ZBTB37: variants seen among roughly 807,000 people sequenced by gnomAD.
ZBTB37 encodes zinc finger and BTB domain-containing protein 37.
ZBTB37 carries 15 observed loss-of-function variants against 37.7 expected under a neutral mutation model. The ratio of observed to expected loss-of-function variants is 0.40; its 90% CI spans 0.27 to 0.61. ZBTB37 has a LOEUF of 0.61. Among genes scored for constraint, ZBTB37 ranks in the 20% least tolerant of loss-of-function variants. The pLI is 0.44. For missense variants in ZBTB37, 514 were observed against 641.9 expected, an observed-to-expected ratio of 0.80 and a Z score of 2.15; for synonymous variants, 231 against 220.6, an observed-to-expected ratio of 1.05 and a Z score of -0.42.
downstream of ZBTB37, chr1:173,886,680 T>A (rs1404068150): frequency 6.5e-6 from 1 of 153,716 alleles, no homozygotes; most frequent in African/African-American, 2.4e-5. Flanking sequence ...AGGTTAGGCT[T>A]TATCTTTCCC....
exon 4 of ZBTB37, chr1:173,892,342 T>C (rs965289184): frequency 5.9e-5 from 9 of 152,206 alleles, no homozygotes; most frequent in South Asian, 2.1e-4. Flanking sequence ...TTCAGTCTTA[T>C]CTTTTTTCGT....
At chr1:173,892,228 T>C (rs919038851) in exon 4 of ZBTB37, 1 of 152,222 alleles carries the variant, frequency 6.6e-6, no homozygotes, top group Non-Finnish European at 1.5e-5. Context: ...CAGTGAATCA[T>C]CTGCATCCCA....
At chr1:173,875,345 T>G (rs991146978) in intron 4 of ZBTB37, among the ~76,000 whole-genome samples, 4 of 149,050 alleles carry the variant, frequency 2.7e-5, no homozygotes, top group Non-Finnish European at 5.9e-5. Flanking sequence ...TTTTTTTTTT[T>G]GAGGCAGTCT....
At chr1:173,881,467 C>T (rs962429015) in intron 4 of ZBTB37, among the ~76,000 whole-genome samples, 2 of 152,148 alleles carry the variant, frequency 1.3e-5, no homozygotes, top group Non-Finnish European at 2.9e-5. Context: ...TGGGTATATA[C>T]CCAGTAATGG....
At chr1:173,871,241 C>A (rs1328698587) in intron 3 of ZBTB37, 93 bp downstream of exon 3, 1 of 1,262,842 alleles carries the variant, frequency 7.9e-7, no homozygotes, top group East Asian at 2.6e-5. Context: ...TTTTCCTTAC[C>A]TGATTTTCTT....
chr1:173,886,988 T>G (rs2102752414), downstream of ZBTB37: 1 of 152,266 alleles, frequency 6.6e-6, no homozygotes, highest in South Asian at 2.1e-4. Flanking sequence ...ATGGCTCTAG[T>G]TCAGGTGAAT....
chr1:173,899,239 A>G (rs1251628468), exon 4 of ZBTB37: 1 of 151,858 alleles, frequency 6.6e-6, no homozygotes, highest in Non-Finnish European at 1.5e-5. Flanking sequence ...CCTATAAGCC[A>G]TGCTAATATC....
At chr1:173,886,111 C>A in exon 5 of ZBTB37, 1 of 1,550,430 alleles carries the variant, frequency 6.4e-7, no homozygotes, top group African/African-American at 1.4e-5. Context: ...GTGTCCACCA[C>A]TGGGCCAGAC....
chr1:173,892,883 C>T (rs1656897337), exon 4 of ZBTB37: 1 of 152,100 alleles, frequency 6.6e-6, no homozygotes. Context: ...GGCTAGAATA[C>T]ACCATCCGGT....
At chr1:173,886,333 TAATC>T (rs945022146) in exon 5 of ZBTB37, 91 of 713,510 alleles carry the variant, frequency 1.3e-4, no homozygotes, top group Middle Eastern at 1.2e-3. Flanking sequence ...CTTTGGAAAA[TAATC>T]AAGCAAATCA....
intron 4 of ZBTB37, among the ~76,000 whole-genome samples, chr1:173,881,802 C>G (rs1656325888): frequency 6.6e-6 from 1 of 152,134 alleles, no homozygotes. Context: ...CACCTGCAAT[C>G]CCAGCACTTT....
intron 4 of ZBTB37, among the ~76,000 whole-genome samples, chr1:173,882,453 G>T (rs1454060059): frequency 6.6e-6 from 1 of 151,868 alleles, no homozygotes; most frequent in African/African-American, 2.4e-5. Flanking sequence ...TATTAGCCAG[G>T]ATGGTCTCGA....
rs376200897 is a variant in ZBTB37 at position 173,875,262 on chromosome 1, A to G, written c.1023+1696A>G. ...TATATACTATGCGTAGTATACACAC[A>G]CACACAGTTATGAAGTTACTAATTT... On this transcript the variant is annotated intron_variant, in intron 4 of 4. Coordinates refer to ENST00000427304, the Ensembl canonical transcript of ZBTB37. 7.5e-4 allele frequency among the ~76,000 whole-genome samples: 114 copies of G among 151,390 alleles called. 6 individuals are homozygous for G. The South Asian group carries it at 0.023, about 31-fold the overall frequency.
chr1:173,875,115 TA>T (rs1655862180), intron 4 of ZBTB37, among the ~76,000 whole-genome samples: 8 of 77,376 alleles, frequency 1.0e-4, no homozygotes, highest in Non-Finnish European at 1.7e-4. Context: ...GTCTGATTAT[TA>T]TGTGTGTGTG....
chr1:173,876,060 G>T (rs955511571), intron 4 of ZBTB37, among the ~76,000 whole-genome samples: 4 of 152,108 alleles, frequency 2.6e-5, no homozygotes, highest in Non-Finnish European at 5.9e-5. Flanking sequence ...AGAAAGGATA[G>T]GAATGATGGG....
intron 3 of ZBTB37, among the ~76,000 whole-genome samples, chr1:173,871,938 T>C (rs1484404485): frequency 6.6e-6 from 1 of 152,224 alleles, no homozygotes. Context: ...TTTTCCCTCT[T>C]AAAAATAAAT....
exon 4 of ZBTB37, chr1:173,893,297 C>T (rs1174567102): frequency 6.6e-6 from 1 of 152,140 alleles, no homozygotes; most frequent in African/African-American, 2.4e-5. Context: ...TCCATAATGC[C>T]AGGAGTTAAG....
intron 4 of ZBTB37, among the ~76,000 whole-genome samples, chr1:173,874,545 G>T (rs1256061684): frequency 6.6e-6 from 1 of 152,006 alleles, no homozygotes; most frequent in African/African-American, 2.4e-5. Context: ...TAGAGACGGG[G>T]TTTCACCGTG....
exon 4 of ZBTB37, chr1:173,901,113 G>A (rs1201357884): frequency 1.3e-5 from 2 of 152,172 alleles, no homozygotes; most frequent in African/African-American, 4.8e-5. Context: ...TGCCTAATGG[G>A]TTGGCTTGCT....
Sources: allele counts gnomAD v4.1 joint callset (sites outside exome capture counted in the v4.1 genomes callset), GRCh38; gene constraint gnomAD v4.1.1; transcripts MANE v1.5; gene names NCBI Gene and HGNC (gene_info 2026-07-23, HGNC 2026-07-21).